Variants in SLC35F5 observed in about 807,000 individuals in gnomAD.
SLC35F5 encodes the protein HCV NS5A-transactivated protein 3.
SLC35F5 carries 54 observed loss-of-function variants against 68.6 expected under a neutral mutation model. The observed-to-expected ratio is 0.79, with a 90% CI of 0.63 to 0.99. SLC35F5 has a LOEUF of 0.99. SLC35F5 is among the 50% of genes least tolerant of loss of function. The probability of loss-of-function intolerance (pLI) is 0.00; values close to 1 mark genes in which losing one functional copy is unlikely to be tolerated. For missense variants in SLC35F5, 567 were observed against 626.9 expected, an observed-to-expected ratio of 0.90 and a Z score of 1.02; for synonymous variants, 211 against 205.2, an observed-to-expected ratio of 1.03 and a Z score of -0.24.
Position 113,708,353 on chromosome 2 carries a change from C to A in SLC35F5, c.*6865G>T, listed in dbSNP as rs1289013170. The stretch of plus-strand genomic sequence containing the variant: ...ATTTTAGTCTGGTACTTTTAGCATC[C>A]CCAACTTTTAAGATTATAAATTCAC... On this transcript the variant is annotated 3_prime_UTR_variant, in exon 16 of 16. Transcript: ENST00000245680. Among the ~76,000 whole-genome samples the A allele has an allele frequency of 1.3e-5, 2 of 152,092 alleles. No homozygotes were observed. Among genetic ancestry groups the A allele is most frequent in the Non-Finnish European group, 2.9e-5 (2 of 68,020 alleles).
At chr2:113,717,908 A>C (rs971320309) in intron 14 of SLC35F5, 58 bp from the exon 15 acceptor site, 1 of 1,229,370 alleles carries the variant, frequency 8.1e-7, no homozygotes, top group African/African-American at 1.5e-5. Context: ...AGGAACCTCA[A>C]ACCTTATTTA....
intron 9 of SLC35F5, 53 bp from the exon 10 acceptor site, chr2:113,731,701 T>C: frequency 7.2e-7 from 1 of 1,392,554 alleles, no homozygotes; most frequent in Non-Finnish European, 1.0e-6. Context: ...AAAAGCCTAA[T>C]CATGAAGATA....
At position 113,742,178 on chromosome 2, in the gene SLC35F5, C is replaced by T. The variant is rs542550905; in HGVS notation, c.750+514G>A. ...AAATCTTAAGCACAGTTTTCAGTTTCTATCTTTAAAAAGAAACTATAAATA... is the reference window on the plus strand; with the variant it reads ...AAATCTTAAGCACAGTTTTCAGTTTTTATCTTTAAAAAGAAACTATAAATA... On this transcript the variant is annotated intron_variant, in intron 7 of 15. Coordinates refer to ENST00000245680, the MANE Select transcript of SLC35F5 (RefSeq NM_025181.5). 14 of 152,704 alleles carry T rather than the reference C, an allele frequency of 9.2e-5. No homozygotes were observed. In the South Asian group the frequency reaches 2.3e-3, roughly 25 times the overall value. The allele number at this position is 152,704 out of a possible 1,614,324, so 9.5% of individuals were successfully genotyped here. A position where few individuals can be genotyped will look rare whatever the true frequency, so the allele number is the denominator to read the frequency against.
chr2:113,729,544 G>T, intron 10 of SLC35F5, 39 bp from the exon 11 acceptor site: 1 of 1,091,486 alleles, frequency 9.2e-7, no homozygotes, highest in Non-Finnish European at 1.4e-6. Context: ...TCACTCATTA[G>T]CTCATTCAAT....
intron 3 of SLC35F5, among the ~76,000 whole-genome samples, chr2:113,751,742 A>G (rs1676748542): frequency 6.6e-6 from 1 of 152,058 alleles, no homozygotes; most frequent in African/African-American, 2.4e-5. Context: ...CCCAGGAGTC[A>G]GAGGTTATAG....
chr2:113,719,090 T>G, intron 14 of SLC35F5, 64 bp downstream of exon 14: 1 of 1,446,432 alleles, frequency 6.9e-7, no homozygotes, highest in Non-Finnish European at 9.4e-7. Context: ...TAGGCCAGCA[T>G]GATGCAATTC....
chr2:113,729,286 T>C (rs1687790340), intron 11 of SLC35F5, 115 bp downstream of exon 11: 1 of 573,096 alleles, frequency 1.7e-6, no homozygotes, highest in Non-Finnish European at 3.1e-6. Flanking sequence ...TAAATGGTTT[T>C]AAAGAATCAT....
In SLC35F5 at chr2:113,725,556, G is replaced by A; in HGVS notation, c.1091-19C>T. On this transcript the variant is annotated intron_variant, in intron 11 of 15. Transcript: ENST00000245680. ...ACAAAACCTGAACATGTATAAAAGAGACAAGAGTTAAAATTGATTTATTTC... is the reference window on the plus strand; with the variant it reads ...ACAAAACCTGAACATGTATAAAAGAAACAAGAGTTAAAATTGATTTATTTC... 1.3e-6 allele frequency: 2 copies of A among 1,546,880 alleles called. No homozygotes were observed. Among genetic ancestry groups the A allele is most frequent in the Non-Finnish European group, 1.7e-6 (2 of 1,154,086 alleles).
Position 113,706,877 on chromosome 2 carries a change from C to A in SLC35F5, c.*8341G>T, listed in dbSNP as rs1686812552. Among the ~76,000 whole-genome samples the A allele has an allele frequency of 1.3e-5, 2 of 152,070 alleles. No individual in the cohort carries two copies. The highest frequency in any genetic ancestry group is 2.9e-5 in the Non-Finnish European group (2 of 68,020). On this transcript the variant is annotated 3_prime_UTR_variant, in exon 16 of 16. Coordinates refer to ENST00000245680, the MANE Select transcript of SLC35F5 (RefSeq NM_025181.5). ...AAATGAAGCATTAAAAATCACAAAT[C>A]TTATATTTGGTTATCCACAGTCTAT...
downstream of SLC35F5, among the ~76,000 whole-genome samples, chr2:113,702,897 C>T (rs1180304310): frequency 6.6e-6 from 1 of 151,830 alleles, no homozygotes. Context: ...TTGCTTGAGG[C>T]CAGGAGTTCG....
At chr2:113,717,725 CA>C (rs770038374) in intron 15 of SLC35F5, 27 bp downstream of exon 15, 1 of 1,411,472 alleles carries the variant, frequency 7.1e-7, no homozygotes, top group Non-Finnish European at 9.8e-7. Context: ...GAACCTTATT[CA>C]ATACTAAACC....
intron 9 of SLC35F5, 80 bp from the exon 10 acceptor site, chr2:113,731,728 G>C: frequency 4.5e-6 from 5 of 1,115,770 alleles, no homozygotes; most frequent in Non-Finnish European, 6.8e-6. Flanking sequence ...ATTTATAAGT[G>C]ATCAAGACTA....
At chr2:113,743,845 G>C in intron 5 of SLC35F5, 51 bp from the exon 6 acceptor site, 3 of 1,465,276 alleles carry the variant, frequency 2.0e-6, no homozygotes, top group Non-Finnish European at 2.8e-6. Flanking sequence ...AGCTAACATA[G>C]TGGTTAAAAT....
intron 1 of SLC35F5, 199 bp from the exon 2 acceptor site, chr2:113,755,743 G>A (rs1676956148): frequency 9.3e-7 from 1 of 1,076,632 alleles, no homozygotes; most frequent in Non-Finnish European, 1.4e-6. Flanking sequence ...AGAGATACGC[G>A]ATACGGGGCG....
At chr2:113,755,862 T>A (rs751686449) in intron 1 of SLC35F5, 11 of 1,550,448 alleles carry the variant, frequency 7.1e-6, no homozygotes, top group Middle Eastern at 1.7e-4. Flanking sequence ...CACCTCTCCA[T>A]CCAGAGGAAT....
chr2:113,724,102 G>C (rs1687564254), intron 12 of SLC35F5, among the ~76,000 whole-genome samples: 1 of 152,196 alleles, frequency 6.6e-6, no homozygotes, highest in African/African-American at 2.4e-5. Context: ...GTAATGAACA[G>C]AGGCTGAACA....
chr2:113,742,950 A>G (rs1676344408), intron 6 of SLC35F5, 71 bp from the exon 7 acceptor site: 2 of 1,404,356 alleles, frequency 1.4e-6, no homozygotes. Context: ...GTTTTAATTT[A>G]CTGATAAATG....
At chr2:113,753,158 G>GTTTTTTTTTTTTTTTTT (rs1264386762) in intron 3 of SLC35F5, among the ~76,000 whole-genome samples, 1 of 69,214 alleles carries the variant, frequency 1.4e-5, no homozygotes, top group Non-Finnish European at 3.2e-5. Context: ...TATCTCCAAA[G>GTTTTTTTTTTTTTTTTT]TTTGTTTTTC....
downstream of SLC35F5, chr2:113,705,419 G>C (rs1686776969): frequency 6.6e-6 from 1 of 152,324 alleles, no homozygotes; most frequent in Non-Finnish European, 1.5e-5. Context: ...GGGTGTGGTG[G>C]CGTGCGCCTG....
Sources: gnomAD v4.1 joint callset for allele counts (sites outside exome capture counted in the v4.1 genomes callset) on GRCh38, gnomAD v4.1.1 for gene constraint, MANE v1.5 for transcripts, NCBI Gene and HGNC (gene_info 2026-07-23, HGNC 2026-07-21) for gene names.